The following AQP8 variants were observed in gnomAD, a reference collection of about 807,000 sequenced individuals.
AQP8 encodes aquaporin 8, also known as aquaporin-8.
A neutral mutation model predicts 26.1 loss-of-function variants in AQP8; 14 were observed. The ratio of observed to expected loss-of-function variants is 0.54; its 90% CI spans 0.35 to 0.84. The LOEUF is 0.84. Among genes scored for constraint, AQP8 ranks in the 40% least tolerant of loss-of-function variants. The pLI is 0.01. For synonymous variants in AQP8, 131 were observed against 150.7 expected (o/e 0.87, Z 0.96); for missense variants, 301 against 340.5 (o/e 0.88, Z 0.91).
Position 25,224,436 on chromosome 16 carries a change from G to A in AQP8, c.462G>A (p.Val154=), listed in dbSNP as rs1215769481. 1.2e-6 allele frequency: 2 copies of A among 1,614,060 alleles called. No individual in the cohort carries two copies. The highest frequency in any genetic ancestry group is 1.7e-6 in the Non-Finnish European group (2 of 1,180,044). The stretch of plus-strand genomic sequence containing the variant: ...TGACAGTCCAGGAGCAGGGGCAGGT[G>A]GCAGGGGCGTTGGTGGCAGAGATCA... ...AFVTVQEQGQ[V]AGALVAEIIL... The change falls in exon 4 of 6, where the codon GTG becomes GTA. Residue 154 remains valine (V), a synonymous_variant. Coordinates refer to ENST00000219660, the MANE Select transcript of AQP8 (RefSeq NM_001169.3).
chr16:25,222,668 G>GGT lies in AQP8; in HGVS notation c.387+1095_387+1096dup, dbSNP rs78651843. Among the ~76,000 whole-genome samples the GGT allele has an allele frequency of 8.2e-4, 124 of 151,914 alleles. 1 individual carries two copies. The highest frequency in any genetic ancestry group is 2.9e-3 in the African/African-American group (120 of 41,410). On this transcript the variant is annotated intron_variant, in intron 3 of 5. Transcript: ENST00000219660. ...GCCCTTCAAGATGTGGGCCTTGCTT[G>GGT]GTGTGTGTGTGGGGGGTGGTGGATG...
chr16:25,226,584 G>C (rs770037771), intron 4 of AQP8, among the ~76,000 whole-genome samples: 1 of 151,926 alleles, frequency 6.6e-6, no homozygotes, highest in Non-Finnish European at 1.5e-5. Flanking sequence ...TTTGATACAG[G>C]TATGCAATGT....
intron 4 of AQP8, 96 bp from the exon 5 acceptor site, chr16:25,226,972 G>A (rs1399947086): frequency 1.3e-6 from 2 of 1,569,932 alleles, no homozygotes; most frequent in Non-Finnish European, 1.7e-6. Context: ...GAGGGTTTCT[G>A]GGTGGTGTGT....
chr16:25,221,706 C>A (rs944138594), intron 3 of AQP8, 123 bp downstream of exon 3: 9 of 1,194,868 alleles, frequency 7.5e-6, no homozygotes, highest in African/African-American at 1.5e-5. Flanking sequence ...CTTGTTTCTG[C>A]CAGTGGAATT....
chr16:25,221,422 G>T, intron 2 of AQP8, 35 bp from the exon 3 acceptor site: 1 of 1,612,536 alleles, frequency 6.2e-7, no homozygotes, highest in Non-Finnish European at 8.5e-7. Flanking sequence ...GGTCAGCCCT[G>T]GGCTCATGAC....
chr16:25,227,093 A>G lies in AQP8; in HGVS notation c.628A>G (p.Asn210Asp). 6.2e-7 allele frequency: 1 copy of G among 1,614,098 alleles called. No individual in the cohort carries two copies. Among genetic ancestry groups the G allele is most frequent in the Non-Finnish European group, 8.5e-7 (1 of 1,180,020 alleles). ...GGGCCCTGTGTCTGGAGGCTGCATG[A>G]ATCCCGCCCGTGCTTTTGGACCTGC... ...AGGPVSGGCM[N>D]PARAFGPAVV... The change falls in exon 5 of 6, where the codon AAT (asparagine) becomes GAT (aspartate). Residue 210 changes from asparagine to aspartate, a missense_variant. Transcript: ENST00000219660.
rs748173198 is a variant in AQP8, at chr16:25,224,471, C to T, written c.497C>T (p.Thr166Met). 54 of 1,614,012 alleles carry T rather than the reference C, an allele frequency of 3.3e-5. No homozygotes were observed. Among genetic ancestry groups the T allele is most frequent in the Non-Finnish European group, 4.4e-5 (52 of 1,180,030 alleles). The change falls in exon 4 of 6, where the codon ACG becomes ATG. Residue 166 changes from threonine (T) to methionine (M), a missense_variant. Transcript: ENST00000219660. ...TTGGTGGCAGAGATCATCCTGACGA[C>T]GCTGCTGGCCCTGGCTGTATGCATG... is the stretch of plus-strand genomic sequence containing the variant. ...GALVAEIILTTLLALAVCMGA... is the reference protein window; with the variant it reads ...GALVAEIILTMLLALAVCMGA...
chr16:25,221,659 T>G (rs2141341468), intron 3 of AQP8, 76 bp downstream of exon 3: 5 of 1,548,218 alleles, frequency 3.2e-6, no homozygotes, highest in South Asian at 1.2e-5. Context: ...GGTGTGTGTG[T>G]GGGACAGTGG....
At chr16:25,220,141 C>T (rs969978086) in intron 2 of AQP8, among the ~76,000 whole-genome samples, 19 of 152,234 alleles carry the variant, frequency 1.2e-4, no homozygotes, top group African/African-American at 3.6e-4. Flanking sequence ...TAGCTGGTCT[C>T]GAGCTATCAG....
intron 3 of AQP8, among the ~76,000 whole-genome samples, chr16:25,223,887 T>C (rs1236977005): frequency 6.6e-6 from 1 of 151,382 alleles, no homozygotes; most frequent in Non-Finnish European, 1.5e-5. Flanking sequence ...AGTGCAGTGG[T>C]GTGATCTCAG....
chr16:25,226,384 A>G (rs1008388910), intron 4 of AQP8, among the ~76,000 whole-genome samples: 9 of 152,154 alleles, frequency 5.9e-5, no homozygotes, highest in Admixed American at 2.6e-4. Flanking sequence ...TAGCCTCCCC[A>G]GTAGCTGGGA....
intron 5 of AQP8, among the ~76,000 whole-genome samples, chr16:25,227,842 T>C: frequency 6.8e-6 from 1 of 148,106 alleles, no homozygotes; most frequent in East Asian, 2.2e-4. Flanking sequence ...GCCAGGCTGG[T>C]CTCCAACTCC....
chr16:25,224,654 C>A, intron 4 of AQP8, 78 bp downstream of exon 4: 1 of 1,441,766 alleles, frequency 6.9e-7, no homozygotes, highest in Non-Finnish European at 9.4e-7. Context: ...GCCTGAGGGT[C>A]ACAGATTCAG....
chr16:25,216,949 C>A lies in AQP8; in HGVS notation c.-97C>A. 6.5e-7 allele frequency: 1 copy of A among 1,527,066 alleles called. No individual in the cohort carries two copies. The highest frequency in any genetic ancestry group is 1.1e-5 in the South Asian group (1 of 86,968). The allele number at this position is 1,527,066 out of a possible 1,614,324, so 94.6% of individuals were successfully genotyped here. On this transcript the variant is annotated 5_prime_UTR_variant, in exon 1 of 6. Coordinates refer to ENST00000219660, the MANE Select transcript of AQP8 (RefSeq NM_001169.3). Reference sequence around the variant, plus strand: ...GGGGCAGAGCCCATAGTGTGATCAGCAGGTCCTGTCCCTAGGAGATAAGAG... The same window carrying A: ...GGGGCAGAGCCCATAGTGTGATCAGAAGGTCCTGTCCCTAGGAGATAAGAG...
At position 25,224,547 on chromosome 16, in the gene AQP8, C is replaced by T. The variant is rs1423279325; in HGVS notation, c.573C>T (p.Gly191=). The change falls in exon 4 of 6, where the codon GGC becomes GGT. Residue 191 remains glycine, a synonymous_variant. Transcript: ENST00000219660. ...TKGPLAPFSI[G]FAVTVDILAG... ...GCCCTCTGGCCCCGTTCTCCATCGG[C>T]TTTGCCGTCACCGTGGATATCCTGG... The T allele has an allele frequency of 1.9e-6, 3 of 1,612,938 alleles. No individual in the cohort carries two copies. The African/African-American group carries it at 4.0e-5, about 22-fold the overall frequency.
intron 5 of AQP8, 25 bp downstream of exon 5, chr16:25,227,227 G>GCGGT: frequency 6.2e-7 from 1 of 1,613,430 alleles, no homozygotes; most frequent in South Asian, 1.1e-5. Context: ...CAGGGTCACC[G>GCGGT]GCCCATTGGA....
chr16:25,219,681 A>G (rs1189417779), intron 2 of AQP8, among the ~76,000 whole-genome samples: 1 of 151,320 alleles, frequency 6.6e-6, no homozygotes, highest in East Asian at 1.9e-4. Context: ...ACTTGAGGCC[A>G]AGTAGGCCTG....
chr16:25,226,861 CTGCACGCCCAGCGGGGAGCCA>C (rs1379133299), intron 4 of AQP8, among the ~76,000 whole-genome samples, 186 bp from the exon 5 acceptor site: 2 of 152,200 alleles, frequency 1.3e-5, no homozygotes, highest in Non-Finnish European at 2.9e-5. Flanking sequence ...GAGTGCTGGA[CTGCACGCCCAGCGGGGAGCCA>C]TGCCTTCTGC....
chr16:25,225,700 GC>G (rs1162081100), intron 4 of AQP8, among the ~76,000 whole-genome samples: 2 of 152,006 alleles, frequency 1.3e-5, no homozygotes, highest in Non-Finnish European at 2.9e-5. Flanking sequence ...GAGCCACCGC[GC>G]CCCGCCTACT....
Sources: gnomAD v4.1 joint callset for allele counts (sites outside exome capture counted in the v4.1 genomes callset) on GRCh38, gnomAD v4.1.1 for gene constraint, MANE v1.5 for transcripts, NCBI Gene and HGNC (gene_info 2026-07-23, HGNC 2026-07-21) for gene names.